GSK3B: variants seen among roughly 807,000 people sequenced by gnomAD.
GSK3B encodes the protein glycogen synthase kinase 3 beta.
Under a neutral mutation model 56.4 loss-of-function variants are expected in GSK3B, and 15 were observed. The ratio of observed to expected loss-of-function variants is 0.27; its 90% CI spans 0.18 to 0.41. The LOEUF (loss-of-function observed/expected upper bound fraction) is 0.41. Ranked by LOEUF, GSK3B falls within the 10% of genes least tolerant of loss-of-function variation. The probability of loss-of-function intolerance (pLI) is 1.00; values close to 1 mark genes in which losing one functional copy is unlikely to be tolerated. For missense variants in GSK3B, 300 were observed against 513.4 expected (o/e 0.58, Z 4.02); for synonymous variants, 181 against 188.9 (o/e 0.96, Z 0.34).
At chr3:120,033,840 T>G (rs1332063050) in intron 1 of GSK3B, among the ~76,000 whole-genome samples, 1 of 152,190 alleles carries the variant, frequency 6.6e-6, no homozygotes, top group Non-Finnish European at 1.5e-5. Context: ...TCTTCCCCTT[T>G]CACTTTCCAC....
chr3:119,840,524 G>A (rs372870869), intron 10 of GSK3B, among the ~76,000 whole-genome samples: 4 of 152,110 alleles, frequency 2.6e-5, no homozygotes, highest in South Asian at 4.2e-4. Flanking sequence ...GCGCCTGGCC[G>A]AGGACATATA....
At chr3:119,874,218 C>G (rs986531614) in intron 8 of GSK3B, among the ~76,000 whole-genome samples, 7 of 152,008 alleles carry the variant, frequency 4.6e-5, no homozygotes, top group African/African-American at 1.7e-4. Flanking sequence ...AGTGTCCCCT[C>G]CCTTTTATCT....
chr3:119,830,844 C>A (rs1394663200), intron 10 of GSK3B, among the ~76,000 whole-genome samples: 1 of 152,164 alleles, frequency 6.6e-6, no homozygotes, highest in East Asian at 1.9e-4. Flanking sequence ...TAATACCACC[C>A]ACCTATGAAA....
intron 1 of GSK3B, among the ~76,000 whole-genome samples, chr3:120,031,508 C>T (rs2107522020): frequency 6.6e-6 from 1 of 152,316 alleles, no homozygotes; most frequent in African/African-American, 2.4e-5. Context: ...AGTCAGGACT[C>T]TGCTACTTCC....
intron 1 of GSK3B, among the ~76,000 whole-genome samples, chr3:120,038,908 C>T (rs2058043578): frequency 6.6e-6 from 1 of 150,936 alleles, no homozygotes; most frequent in Non-Finnish European, 1.5e-5. Context: ...GATGAAAAGA[C>T]AAGACATAGA....
intron 4 of GSK3B, among the ~76,000 whole-genome samples, chr3:119,921,338 G>A (rs2056837986): frequency 6.6e-6 from 1 of 152,122 alleles, no homozygotes. Flanking sequence ...AATAACAGTA[G>A]ACTATCAACA....
intron 1 of GSK3B, among the ~76,000 whole-genome samples, chr3:120,046,825 G>A (rs553876387): frequency 4.5e-4 from 68 of 152,226 alleles, no homozygotes; most frequent in African/African-American, 1.5e-3. Flanking sequence ...TGGCCAGGCC[G>A]TTCTCGAACT....
chr3:119,916,177 G>T lies in GSK3B; in HGVS notation c.478-3C>A. 6.3e-7 allele frequency: 1 copy of T among 1,585,492 alleles called. No individual in the cohort carries two copies. Among genetic ancestry groups the T allele is most frequent in the Non-Finnish European group, 8.7e-7 (1 of 1,154,984 alleles). On this transcript the variant is annotated splice_region_variant and splice_polypyrimidine_tract_variant and intron_variant, in intron 4 of 10. Transcript: ENST00000264235. Reference sequence around the variant, plus strand: ...CGGAACAGCTGATACATATACAACTGGAATAGATAGTAGAAATTAATTAAA... The same window carrying T: ...CGGAACAGCTGATACATATACAACTTGAATAGATAGTAGAAATTAATTAAA...
At chr3:120,064,997 T>C (rs556525750) in intron 1 of GSK3B, among the ~76,000 whole-genome samples, 1 of 152,276 alleles carries the variant, frequency 6.6e-6, no homozygotes, top group East Asian at 1.9e-4. Context: ...GAGACCTAAA[T>C]ATATGAAATA....
chr3:119,912,455 T>C (rs1237068720), intron 6 of GSK3B, among the ~76,000 whole-genome samples: 1 of 151,270 alleles, frequency 6.6e-6, no homozygotes, highest in Admixed American at 6.6e-5. Context: ...ATAAAACTAG[T>C]GTGGGCAGAC....
chr3:119,910,552 T>TG (rs2056725709), intron 6 of GSK3B, among the ~76,000 whole-genome samples: 3 of 152,230 alleles, frequency 2.0e-5, no homozygotes, highest in Admixed American at 2.0e-4. Flanking sequence ...CTTGCCTTGA[T>TG]GTCGATGGCT....
chr3:120,069,116 G>C (rs1222749527), intron 1 of GSK3B, among the ~76,000 whole-genome samples: 1 of 152,182 alleles, frequency 6.6e-6, no homozygotes, highest in Non-Finnish European at 1.5e-5. Flanking sequence ...TGACAAAGTA[G>C]TGAGGGGCTG....
chr3:119,902,979 T>C (rs991318639), intron 7 of GSK3B, among the ~76,000 whole-genome samples: 1 of 152,054 alleles, frequency 6.6e-6, no homozygotes, highest in Non-Finnish European at 1.5e-5. Context: ...CCTCCCAAAG[T>C]GCTGGGGTTA....
intron 4 of GSK3B, among the ~76,000 whole-genome samples, chr3:119,918,502 A>C (rs191213943): frequency 9.6e-4 from 146 of 152,150 alleles, no homozygotes; most frequent in Middle Eastern, 3.4e-3. Flanking sequence ...CAAAACAAAA[A>C]AAAAGCAGTT....
At chr3:119,832,630 T>C (rs1256585406) in intron 10 of GSK3B, among the ~76,000 whole-genome samples, 1 of 152,256 alleles carries the variant, frequency 6.6e-6, no homozygotes, top group Non-Finnish European at 1.5e-5. Flanking sequence ...AAAAGGATTA[T>C]ATTAGATTTA....
chr3:119,987,285 C>A (rs559828157), intron 2 of GSK3B, among the ~76,000 whole-genome samples: 4 of 152,214 alleles, frequency 2.6e-5, no homozygotes, highest in Non-Finnish European at 4.4e-5. Flanking sequence ...ATGTATCAAA[C>A]CTGTACGTTG....
chr3:119,989,041 T>G (rs1324601256), intron 2 of GSK3B, among the ~76,000 whole-genome samples: 1 of 152,138 alleles, frequency 6.6e-6, no homozygotes, highest in South Asian at 2.1e-4. Context: ...TGGCTACAAG[T>G]TTCCAAAATA....
chr3:119,904,258 A>C (rs2056658945), intron 7 of GSK3B, among the ~76,000 whole-genome samples: 1 of 152,190 alleles, frequency 6.6e-6, no homozygotes, highest in Non-Finnish European at 1.5e-5. Flanking sequence ...AAGTTGGCCA[A>C]GCTCCGTATT....
chr3:119,852,426 G>C (rs1249858916), intron 9 of GSK3B, among the ~76,000 whole-genome samples: 1 of 151,550 alleles, frequency 6.6e-6, no homozygotes, highest in Admixed American at 6.6e-5. Context: ...TCAGCTCACC[G>C]TGACCTCTGC....
Sources: allele counts gnomAD v4.1 joint callset (sites outside exome capture counted in the v4.1 genomes callset), GRCh38; gene constraint gnomAD v4.1.1; transcripts MANE v1.5; gene names NCBI Gene and HGNC (gene_info 2026-07-23, HGNC 2026-07-21).